Variants in INTS15 observed in about 807,000 individuals in gnomAD.
INTS15 encodes the protein uncharacterized protein C7orf26.
chr7:6,594,482 T>C, the INTS15 span: 1 of 1,614,178 alleles, frequency 6.2e-7, no homozygotes, highest in Non-Finnish European at 8.5e-7. Context: ...CCCTTGTAGA[T>C]GACTACTGCT....
the INTS15 span, chr7:6,608,006 G>A: frequency 5.6e-6 from 9 of 1,600,098 alleles, no homozygotes; most frequent in African/African-American, 4.0e-5. Flanking sequence ...GTCGCCTCAC[G>A]CCGCGCTCCC....
chr7:6,603,164 C>T, the INTS15 span, among the ~76,000 whole-genome samples: 1 of 151,986 alleles, frequency 6.6e-6, no homozygotes, highest in Non-Finnish European at 1.5e-5. Flanking sequence ...GCAGGAGAAT[C>T]ACTTGAACCC....
chr7:6,600,976 A>G, the INTS15 span, among the ~76,000 whole-genome samples: 7 of 149,348 alleles, frequency 4.7e-5, no homozygotes, highest in African/African-American at 1.7e-4. Context: ...CTCTTTATTT[A>G]TTTTTATGAG....
the INTS15 span, among the ~76,000 whole-genome samples, chr7:6,595,372 C>T: frequency 6.6e-6 from 1 of 152,078 alleles, no homozygotes; most frequent in Non-Finnish European, 1.5e-5. Context: ...CTGTGTTGCC[C>T]AGTGTGGTTT....
chr7:6,607,519 A>C, the INTS15 span: 5 of 1,308,598 alleles, frequency 3.8e-6, no homozygotes, highest in Non-Finnish European at 5.0e-6. This position sits in a 1 kb window ranked among gnomAD's most constrained non-coding sequence, Gnocchi z 6.0. Flanking sequence ...GCCGCACCGG[A>C]CTCATTCTGA....
At chr7:6,601,949 G>C in the INTS15 span, 1 of 688,960 alleles carries the variant, frequency 1.5e-6, no homozygotes. Flanking sequence ...GAGCCACTGC[G>C]CCCGGCTAGA....
At chr7:6,605,060 T>C in the INTS15 span, among the ~76,000 whole-genome samples, 2 of 152,140 alleles carry the variant, frequency 1.3e-5, no homozygotes, top group Admixed American at 6.6e-5. Context: ...TGGTCTGATA[T>C]CAGCTCACTG....
At chr7:6,594,403 G>T in the INTS15 span, 3 of 1,612,720 alleles carry the variant, frequency 1.9e-6, no homozygotes, top group Non-Finnish European at 2.5e-6. Context: ...CACGACATCT[G>T]TAGTTAAGTG....
chr7:6,598,599 C>T, the INTS15 span, among the ~76,000 whole-genome samples: 1 of 152,062 alleles, frequency 6.6e-6, no homozygotes, highest in Non-Finnish European at 1.5e-5. Context: ...GTGGGCACAG[C>T]CCCAGAGAGA....
the INTS15 span, chr7:6,608,225 C>G: frequency 6.5e-7 from 1 of 1,527,756 alleles, no homozygotes; most frequent in Non-Finnish European, 8.8e-7. Context: ...AAGGGGTGGC[C>G]GGACTCCCAG....
the INTS15 span, among the ~76,000 whole-genome samples, chr7:6,595,196 T>C: frequency 6.6e-6 from 1 of 152,262 alleles, no homozygotes; most frequent in East Asian, 1.9e-4. Context: ...CACGCCTGGC[T>C]AATTTTTGTA....
the INTS15 span, chr7:6,599,779 CCT>C: frequency 6.4e-7 from 1 of 1,571,986 alleles, no homozygotes; most frequent in Admixed American, 1.7e-5. Context: ...ACTTCCCGCC[CCT>C]GTCCTCGAGG....
the INTS15 span, chr7:6,590,391 G>T: frequency 1.9e-6 from 3 of 1,606,426 alleles, no homozygotes; most frequent in Admixed American, 5.0e-5. Flanking sequence ...AGAGCGCGCC[G>T]CTGCCCATCG....
the INTS15 span, among the ~76,000 whole-genome samples, chr7:6,591,398 C>T: frequency 6.6e-6 from 1 of 151,328 alleles, no homozygotes. Context: ...TCCCGAGTAG[C>T]TGGGATTACA....
At chr7:6,608,356 G>C in the INTS15 span, 3 of 1,423,546 alleles carry the variant, frequency 2.1e-6, no homozygotes, top group Middle Eastern at 5.2e-4. Flanking sequence ...GGATGGTGGA[G>C]GGAAGAGTCC....
chr7:6,603,659 T>C, the INTS15 span, among the ~76,000 whole-genome samples: 3 of 151,666 alleles, frequency 2.0e-5, no homozygotes, highest in Non-Finnish European at 4.4e-5. Context: ...GCCAACATGG[T>C]GAAACCCCAT....
the INTS15 span, chr7:6,600,172 G>T: frequency 1.2e-6 from 2 of 1,614,248 alleles, no homozygotes; most frequent in East Asian, 4.5e-5. Flanking sequence ...TGACCGAGAA[G>T]AATCTGTATG....
At chr7:6,599,756 C>G in the INTS15 span, 2 of 1,474,070 alleles carry the variant, frequency 1.4e-6, no homozygotes, top group East Asian at 2.3e-5. Context: ...TGGGGTCAGG[C>G]TTCCCTCTCT....
chr7:6,606,023 C>T, the INTS15 span, among the ~76,000 whole-genome samples: 1 of 152,024 alleles, frequency 6.6e-6, no homozygotes, highest in Non-Finnish European at 1.5e-5. Context: ...GTGACAGTCT[C>T]TGTGTTCACC....
Sources: gnomAD v4.1 joint callset for allele counts (sites outside exome capture counted in the v4.1 genomes callset) on GRCh38, gnomAD v4.1.1 for gene constraint, Gnocchi (gnomAD v3.1) non-coding constraint, MANE v1.5 for transcripts, NCBI Gene and HGNC (gene_info 2026-07-23, HGNC 2026-07-21) for gene names.